The following AGMO variants were observed in gnomAD, a reference collection of about 807,000 sequenced individuals.
AGMO encodes alkylglycerol monooxygenase.
In AGMO, 75 loss-of-function variants were observed where a neutral mutation model predicts 60.2. The ratio of observed to expected loss-of-function variants is 1.25; its 90% CI spans 1.03 to 1.51. The LOEUF (loss-of-function observed/expected upper bound fraction) is 1.51, where lower values mean the gene tolerates loss of function less well. AGMO is among the 40% of genes most tolerant of loss of function. The probability of loss-of-function intolerance (pLI) is 0.00; values close to 1 mark genes in which losing one functional copy is unlikely to be tolerated. For missense variants in AGMO, 763 were observed against 525.5 expected (o/e 1.45, Z -4.42); for synonymous variants, 261 against 177.1 (o/e 1.47, Z -3.76).
chr7:15,445,155 C>G (rs1269491241), intron 3 of AGMO, among the ~76,000 whole-genome samples: 1 of 152,034 alleles, frequency 6.6e-6, no homozygotes, highest in Non-Finnish European at 1.5e-5. Flanking sequence ...TTGTTTCTTA[C>G]TAACAAACAA....
chr7:15,526,196 T>G (rs1784125193), intron 3 of AGMO, among the ~76,000 whole-genome samples: 1 of 152,120 alleles, frequency 6.6e-6, no homozygotes, highest in Non-Finnish European at 1.5e-5. Flanking sequence ...GGCAGGGGCG[T>G]TGCTGGCCGA....
Position 15,552,619 on chromosome 7 carries a change from A to G in AGMO, c.257+7522T>C, listed in dbSNP as rs909231190. Among the ~76,000 whole-genome samples, 108 of 149,390 alleles carry G rather than the reference A, an allele frequency of 7.2e-4. 1 individual carries two copies. The East Asian group carries it at 0.02, about 28-fold the overall frequency. On this transcript the variant is annotated intron_variant, in intron 2 of 12. Coordinates refer to ENST00000342526, the MANE Select transcript of AGMO (RefSeq NM_001004320.2). ...AGAAATGCAAATCAAAACCACAGTG[A>G]GATACCATCTCACACCAGTTAGAAT...
the AGMO span, among the ~76,000 whole-genome samples, chr7:15,177,725 C>T: frequency 6.6e-6 from 1 of 152,140 alleles, no homozygotes; most frequent in East Asian, 1.9e-4. Context: ...TTTTAATCCC[C>T]TTCCACTCCC....
chr7:15,154,121 T>A, the AGMO span, among the ~76,000 whole-genome samples: 1 of 152,132 alleles, frequency 6.6e-6, no homozygotes, highest in Non-Finnish European at 1.5e-5. Context: ...ATCATATACC[T>A]AGAAAACCCT....
chr7:15,322,453 T>C (rs1406455988), intron 12 of AGMO, among the ~76,000 whole-genome samples: 63 of 80,486 alleles, frequency 7.8e-4, no homozygotes, highest in African/African-American at 2.6e-3. Context: ...TAAATATATA[T>C]ATAAATATAT....
rs544391167 is a variant in AGMO, at chr7:15,299,819, C to T, written c.1263+65695G>A. On this transcript the variant is annotated intron_variant, in intron 12 of 12. Coordinates refer to ENST00000342526, the MANE Select transcript of AGMO (RefSeq NM_001004320.2). The stretch of plus-strand genomic sequence containing the variant: ...CTCCAGCCTGGGAGACAGAGCAAGA[C>T]TCTGTCTACATACACACACACACAC... 5.1e-5 allele frequency among the ~76,000 whole-genome samples: 7 copies of T among 137,792 alleles called. No homozygotes were observed. The East Asian group carries it at 1.6e-3, about 31-fold the overall frequency. The allele number at this position is 137,792 out of a possible 152,430, so 90.4% of individuals were successfully genotyped here.
At chr7:15,217,604 CATCTT>C (rs1317599099) in intron 12 of AGMO, among the ~76,000 whole-genome samples, 1 of 151,792 alleles carries the variant, frequency 6.6e-6, no homozygotes, top group Non-Finnish European at 1.5e-5. Flanking sequence ...CAAATAGAAA[CATCTT>C]AAATTAAAAT....
At chr7:15,388,093 C>T (rs767348023) in intron 8 of AGMO, among the ~76,000 whole-genome samples, 10 of 151,652 alleles carry the variant, frequency 6.6e-5, no homozygotes, top group African/African-American at 1.7e-4. Flanking sequence ...GTTTTAGTGG[C>T]GACAGGGTTT....
intron 3 of AGMO, among the ~76,000 whole-genome samples, chr7:15,466,569 T>C (rs991530052): frequency 3.9e-5 from 6 of 152,108 alleles, no homozygotes; most frequent in Non-Finnish European, 2.9e-5. Context: ...ACATGCAGCA[T>C]ATAATAATTT....
intron 12 of AGMO, among the ~76,000 whole-genome samples, chr7:15,248,330 A>T (rs1326111115): frequency 6.6e-6 from 1 of 150,742 alleles, no homozygotes; most frequent in African/African-American, 2.4e-5. Flanking sequence ...AGAGGATCAT[A>T]TAGAACATGC....
chr7:15,141,537 G>A, the AGMO span, among the ~76,000 whole-genome samples: 1 of 152,146 alleles, frequency 6.6e-6, no homozygotes, highest in African/African-American at 2.4e-5. Flanking sequence ...AGTGAGCAGT[G>A]ATCGTGCCAC....
At chr7:15,387,298 G>A in intron 9 of AGMO, 108 bp downstream of exon 9, 4 of 1,288,712 alleles carry the variant, frequency 3.1e-6, no homozygotes, top group South Asian at 1.4e-5. Context: ...CTGACTGGGG[G>A]AACATCTTTT....
At chr7:15,456,110 A>G (rs945186592) in intron 3 of AGMO, among the ~76,000 whole-genome samples, 3 of 152,006 alleles carry the variant, frequency 2.0e-5, no homozygotes, top group Non-Finnish European at 4.4e-5. Context: ...TAAAAATTCT[A>G]TCTTATGGAA....
chr7:15,560,691 C>T (rs1164614656), intron 1 of AGMO, among the ~76,000 whole-genome samples: 1 of 152,150 alleles, frequency 6.6e-6, no homozygotes, highest in Non-Finnish European at 1.5e-5. Flanking sequence ...TCATATTAGA[C>T]TTACCAGAAC....
At chr7:15,475,544 G>A (rs1255917269) in intron 3 of AGMO, among the ~76,000 whole-genome samples, 3 of 152,062 alleles carry the variant, frequency 2.0e-5, no homozygotes, top group Non-Finnish European at 4.4e-5. Flanking sequence ...CCTGTCGGAT[G>A]TGGGGGGCTA....
chr7:15,334,092 C>T (rs1781577651), intron 12 of AGMO, among the ~76,000 whole-genome samples: 1 of 151,954 alleles, frequency 6.6e-6, no homozygotes, highest in African/African-American at 2.4e-5. Context: ...TTTACAAGTG[C>T]CTATATTTTC....
chr7:15,251,095 C>T (rs1168636256), intron 12 of AGMO, among the ~76,000 whole-genome samples: 2 of 152,080 alleles, frequency 1.3e-5, no homozygotes, highest in Admixed American at 1.3e-4. Flanking sequence ...TATTTGATAG[C>T]ACAACTAGAA....
intron 5 of AGMO, among the ~76,000 whole-genome samples, chr7:15,399,384 T>C (rs1049704582): frequency 1.2e-4 from 19 of 152,198 alleles, no homozygotes; most frequent in Admixed American, 3.3e-4. Flanking sequence ...ACTAGGTTAT[T>C]TCCTTTGCCT....
intron 10 of AGMO, among the ~76,000 whole-genome samples, chr7:15,368,773 G>T (rs1316884654): frequency 1.3e-5 from 2 of 152,068 alleles, no homozygotes; most frequent in Non-Finnish European, 1.5e-5. Context: ...GAAACTCACA[G>T]ATGAAATAAG....
Sources: allele counts gnomAD v4.1 joint callset (sites outside exome capture counted in the v4.1 genomes callset), GRCh38; gene constraint gnomAD v4.1.1; transcripts MANE v1.5; gene names NCBI Gene and HGNC (gene_info 2026-07-23, HGNC 2026-07-21).